The following BCAP31 variants were observed in gnomAD, a reference collection of about 807,000 sequenced individuals.
BCAP31 encodes the protein B cell receptor associated protein 31, also known as B-cell receptor-associated protein 31.
For synonymous variants in BCAP31, 75 were observed against 80.9 expected, an observed-to-expected ratio of 0.93 and a Z score of 0.39; for missense variants, 124 against 193.0, an observed-to-expected ratio of 0.64 and a Z score of 2.12.
At chrX:153,702,429 G>A in intron 6 of BCAP31, 1 of 234,298 alleles carries the variant, frequency 4.3e-6, no homozygotes. Context: ...CAAGATCCCA[G>A]CCTGCAAGCG....
intron 4 of BCAP31, among the ~76,000 whole-genome samples, chrX:153,709,948 G>A (rs1354840176): frequency 3.2e-4 from 36 of 112,721 alleles, no homozygotes; most frequent in African/African-American, 1.2e-3. Flanking sequence ...CGAGGACAGC[G>A]CTATGGGTCA....
chrX:153,708,111 A>C (rs1957265741), intron 4 of BCAP31, among the ~76,000 whole-genome samples: 1 of 112,974 alleles, frequency 8.9e-6, no homozygotes, highest in African/African-American at 3.2e-5. Flanking sequence ...CAGAATCCAG[A>C]TGTGGCCTTG....
chrX:153,718,647 T>G (rs1420444090), intron 3 of BCAP31, among the ~76,000 whole-genome samples: 1 of 112,275 alleles, frequency 8.9e-6, no homozygotes, highest in Non-Finnish European at 1.9e-5. Context: ...ACTTTTGAAT[T>G]TTTAAGAATA....
intron 1 of BCAP31, 53 bp from the exon 2 acceptor site, chrX:153,723,341 T>C: frequency 8.7e-7 from 1 of 1,151,931 alleles, no homozygotes; most frequent in Non-Finnish European, 1.2e-6. Context: ...GCCAAGAACA[T>C]CCAGTTCAGT....
chrX:153,700,901 T>A lies in BCAP31; in HGVS notation c.*36A>T. 8.4e-7 allele frequency: 1 copy of A among 1,193,358 alleles called. No homozygotes were observed. Among genetic ancestry groups the A allele is most frequent in the East Asian group, 3.0e-5 (1 of 33,001 alleles). On this transcript the variant is annotated 3_prime_UTR_variant, in exon 8 of 8. Coordinates refer to ENST00000345046, the MANE Select transcript of BCAP31 (RefSeq NM_001256447.2). ...CAGGAAGCAGCAGGCACGTGCCAGG[T>A]GGAAGCCAGCTGCAGGCAGGGGAGG... is the stretch of plus-strand genomic sequence containing the variant.
chrX:153,712,085 C>T (rs1557049260), intron 4 of BCAP31, among the ~76,000 whole-genome samples: 4 of 111,030 alleles, frequency 3.6e-5, no homozygotes, highest in African/African-American at 6.5e-5. Context: ...GCAGGCTCGA[C>T]ATCCACCAAT....
chrX:153,714,835 C>A (rs1389084934), intron 4 of BCAP31, among the ~76,000 whole-genome samples: 1 of 110,940 alleles, frequency 9.0e-6, no homozygotes, highest in Non-Finnish European at 1.9e-5. Flanking sequence ...TCAAAGCAAG[C>A]GCCTTTCCAA....
intron 3 of BCAP31, among the ~76,000 whole-genome samples, chrX:153,716,739 G>A (rs782350509): frequency 1.1e-4 from 12 of 111,746 alleles, no homozygotes; most frequent in East Asian, 2.8e-4. Context: ...CAGCCTGGGC[G>A]ACAGAGCGAG....
intron 3 of BCAP31, among the ~76,000 whole-genome samples, chrX:153,719,556 G>C (rs1276991185): frequency 9.0e-6 from 1 of 111,305 alleles, no homozygotes; most frequent in African/African-American, 3.3e-5. Context: ...AAGGAGAAAT[G>C]CCTAATGCTG....
intron 5 of BCAP31, 41 bp from the exon 6 acceptor site, chrX:153,703,099 G>A (rs782034473): frequency 9.2e-6 from 11 of 1,201,462 alleles, no homozygotes; most frequent in East Asian, 5.9e-5. Context: ...CAGGAGGGAG[G>A]GAGGGAGAGG....
chrX:153,721,568 C>T (rs7879408), intron 2 of BCAP31, among the ~76,000 whole-genome samples: 13 of 99,997 alleles, frequency 1.3e-4, no homozygotes, highest in African/African-American at 4.4e-4. Flanking sequence ...TAAGCCACCG[C>T]GCCCAGCCTG....
chrX:153,702,566 C>T (rs1316908317), intron 6 of BCAP31: 1 of 184,877 alleles, frequency 5.4e-6, no homozygotes, highest in African/African-American at 3.0e-5. Context: ...TGGGAGCCGC[C>T]CACTCCCCTC....
At chrX:153,711,551 C>T (rs782055484) in intron 4 of BCAP31, among the ~76,000 whole-genome samples, 22 of 112,083 alleles carry the variant, frequency 2.0e-4, no homozygotes, top group Non-Finnish European at 3.4e-4. Context: ...TACCTGCTCG[C>T]GCCATGAGTA....
intron 3 of BCAP31, among the ~76,000 whole-genome samples, chrX:153,720,430 T>C (rs1304070309): frequency 9.2e-6 from 1 of 108,952 alleles, no homozygotes; most frequent in African/African-American, 3.4e-5. Flanking sequence ...AATGGTGCGA[T>C]TTAGGCTCAC....
At chrX:153,706,874 G>A (rs1191335412) in intron 4 of BCAP31, among the ~76,000 whole-genome samples, 3 of 111,807 alleles carry the variant, frequency 2.7e-5, no homozygotes, top group African/African-American at 9.8e-5. Context: ...CACTGCTGGC[G>A]CCTCCTCCCT....
chrX:153,715,310 G>A (rs781854314), intron 4 of BCAP31: 36 of 423,668 alleles, frequency 8.5e-5, no homozygotes, highest in Non-Finnish European at 1.3e-4. Flanking sequence ...AGAGTATGTG[G>A]TGTGTGAGGG....
Position 153,720,945 on chromosome X carries a change from C to T in BCAP31, c.120G>A (p.Leu40=), listed in dbSNP as rs1177152841. ...KRWQKIFKSR[L]VELLVSYGNT... is the part of the protein sequence containing the mutation. The stretch of plus-strand genomic sequence containing the variant: ...TGCCATAGGACACTAACAACTCCAC[C>T]AGCCGGGACTTGAAAATCTTCTGCC... The change falls in exon 3 of 8, where the codon CTG becomes CTA. Residue 40 remains leucine, a synonymous_variant. Transcript: ENST00000345046. The T allele has an allele frequency of 8.3e-7, 1 of 1,209,721 alleles. No homozygotes were observed. Among genetic ancestry groups the T allele is most frequent in the African/African-American group, 1.8e-5 (1 of 57,141 alleles).
At chrX:153,715,734 G>C (rs1261225679) in intron 3 of BCAP31, 45 bp from the exon 4 acceptor site, 1 of 1,198,279 alleles carries the variant, frequency 8.3e-7, no homozygotes, top group East Asian at 3.0e-5. Flanking sequence ...GCGGACACTA[G>C]GGCAAGATAA....
At chrX:153,701,952 T>C in intron 7 of BCAP31, 55 bp downstream of exon 7, 3 of 1,118,037 alleles carry the variant, frequency 2.7e-6, no homozygotes, top group Non-Finnish European at 3.6e-6. Context: ...CCGCAGGGGC[T>C]GCCTCATCCT....
Sources: allele counts gnomAD v4.1 joint callset (sites outside exome capture counted in the v4.1 genomes callset), GRCh38; gene constraint gnomAD v4.1.1; transcripts MANE v1.5; gene names NCBI Gene and HGNC (gene_info 2026-07-23, HGNC 2026-07-21).